Variants in FAM50A observed in about 807,000 individuals in gnomAD.
The protein encoded by FAM50A is protein FAM50A.
A neutral mutation model predicts 35.5 loss-of-function variants in FAM50A; 6 were observed. The ratio of observed to expected loss-of-function variants is 0.17; its 90% CI spans 0.09 to 0.33. The LOEUF is 0.33. FAM50A is among the 10% of genes least tolerant of loss of function. The pLI, the probability that FAM50A is intolerant of heterozygous loss-of-function variation, is 1.00. For missense variants in FAM50A, 145 were observed against 295.5 expected (o/e 0.49, Z 3.73); for synonymous variants, 120 against 110.9 (o/e 1.08, Z -0.52).
intron 7 of FAM50A, 128 bp downstream of exon 7, chrX:154,449,082 GC>G (rs2068793774): frequency 2.2e-6 from 2 of 893,165 alleles, no homozygotes; most frequent in East Asian, 6.2e-5. Flanking sequence ...CCAGGGCCTG[GC>G]CCCCTGTCTG....
In FAM50A at chrX:154,449,751, C is replaced by T; in HGVS notation, c.780+16C>T. ...CATCCCTCACGTGAGTCCCTTCAGCCCCAGTACCCGCAGTGGGTGCAGCAC... is the reference window on the plus strand; with the variant it reads ...CATCCCTCACGTGAGTCCCTTCAGCTCCAGTACCCGCAGTGGGTGCAGCAC... On this transcript the variant is annotated intron_variant, in intron 9 of 12. Transcript: ENST00000393600. The T allele has an allele frequency of 2.5e-6, 3 of 1,203,039 alleles. No homozygotes were observed. The highest frequency in any genetic ancestry group is 3.4e-6 in the Non-Finnish European group (3 of 887,494).
intron 5 of FAM50A, 59 bp from the exon 6 acceptor site, chrX:154,448,631 G>C (rs1276202642): frequency 5.1e-6 from 6 of 1,180,337 alleles, no homozygotes; most frequent in Admixed American, 2.2e-5. Context: ...AGGGAGCCAG[G>C]CTCTGCGTGC....
intron 3 of FAM50A, 85 bp downstream of exon 3, chrX:154,445,996 G>T (rs1465957839): frequency 1.1e-5 from 8 of 703,549 alleles, no homozygotes; most frequent in Middle Eastern, 4.6e-4. Context: ...CACCCTGGGG[G>T]GGACCCTGTC....
chrX:154,449,969 G>A lies in FAM50A; in HGVS notation c.829+38G>A, dbSNP rs374470940. On this transcript the variant is annotated intron_variant, in intron 10 of 12. Coordinates refer to ENST00000393600, the MANE Select transcript of FAM50A (RefSeq NM_004699.4). Reference sequence around the variant, plus strand: ...GACCCAGCCGCCCCCATAGCACCTTGCCGCCGATGTTGTCACTGGGGCAGC... The same window carrying A: ...GACCCAGCCGCCCCCATAGCACCTTACCGCCGATGTTGTCACTGGGGCAGC... 33 of 1,207,390 alleles carry A rather than the reference G, an allele frequency of 2.7e-5. No homozygotes were observed. The East Asian group carries it at 4.1e-4, about 15-fold the overall frequency.
intron 1 of FAM50A, 193 bp from the exon 2 acceptor site, chrX:154,445,440 A>G: frequency 2.2e-6 from 1 of 453,150 alleles, no homozygotes. Flanking sequence ...AGACCTGAAG[A>G]GCCAGAGCAG....
chrX:154,447,602 C>T (rs1425162047), intron 4 of FAM50A, among the ~76,000 whole-genome samples: 1 of 112,000 alleles, frequency 8.9e-6, no homozygotes, highest in Non-Finnish European at 1.9e-5. Context: ...CTGTGTGCAG[C>T]GGGAGCTACT....
At chrX:154,449,026 ACCTT>A in intron 7 of FAM50A, 72 bp downstream of exon 7, 1 of 1,039,274 alleles carries the variant, frequency 9.6e-7, no homozygotes. Flanking sequence ...GAAGGAACTG[ACCTT>A]CCTGACTTGG....
chrX:154,445,967 G>C, intron 3 of FAM50A, 56 bp downstream of exon 3: 8 of 975,852 alleles, frequency 8.2e-6, no homozygotes, highest in Non-Finnish European at 1.0e-5. Context: ...GGGTCCCGTG[G>C]CTGGTCGGGC....
At position 154,446,400 on chromosome X, in the gene FAM50A, C is replaced by T. The variant is rs2068782739; in HGVS notation, c.297-15C>T. The T allele has an allele frequency of 1.7e-6, 2 of 1,207,859 alleles. No homozygotes were observed. The highest frequency in any genetic ancestry group is 2.2e-6 in the Non-Finnish European group (2 of 892,015). ...AAGGACATGATGTGTGATGGGGCCA[C>T]CTGCACCTCACTAGGAAGCTGGAGA... is the stretch of plus-strand genomic sequence containing the variant. On this transcript the variant is annotated splice_polypyrimidine_tract_variant and intron_variant, in intron 3 of 12. Coordinates refer to ENST00000393600, the MANE Select transcript of FAM50A (RefSeq NM_004699.4).
rs781970457 is a variant in FAM50A at position 154,449,545 on chromosome X, A to G, written c.726-136A>G. 3,344 of 566,101 alleles carry G rather than the reference A, an allele frequency of 5.9e-3. 7 individuals carry two copies. Among genetic ancestry groups the G allele is most frequent in the Middle Eastern group, 0.032 (66 of 2,062 alleles). 46.7% of individuals were successfully genotyped at this position (566,101 alleles called of 1,213,427 possible). On this transcript the variant is annotated intron_variant, in intron 8 of 12. Coordinates refer to ENST00000393600, the MANE Select transcript of FAM50A (RefSeq NM_004699.4). ...TGGGCGCCAGTCCTGTGCTCACTAAACCATGGAGCTTCCCTCACAGCCAAC... is the reference window on the plus strand; with the variant it reads ...TGGGCGCCAGTCCTGTGCTCACTAAGCCATGGAGCTTCCCTCACAGCCAAC...
rs781785747 is a variant in FAM50A at position 154,444,203 on chromosome X, CCCG to C, written c.-7_-5del. On this transcript the variant is annotated 5_prime_UTR_variant, in exon 1 of 13. Transcript: ENST00000393600. ...GCTGTCGCTGTCGCCGCCGCCGCCG[CCCG>C]CCGCCGCCGCCGCCGCCGCCGCCGC... The C allele has an allele frequency of 0.021, 12,158 of 582,695 alleles. No homozygotes were observed. Among genetic ancestry groups the C allele is most frequent in the East Asian group, 0.029 (275 of 9,485 alleles). The allele number at this position is 582,695 out of a possible 1,213,427, so 48.0% of individuals were successfully genotyped here.
Position 154,446,484 on chromosome X carries a change from C to T in FAM50A, c.366C>T (p.Phe122=), listed in dbSNP as rs2068783019. The stretch of plus-strand genomic sequence containing the variant: ...AGCGGAAGATCTCCAGCCTGTCCTT[C>T]ACCCTGGAGGAGGAAGAAGAGGGAG... ...EAKRKISSLS[F]TLEEEEEGGE... is the part of the protein sequence containing the mutation. Residue 122 remains phenylalanine (F), a synonymous_variant, in exon 4 of 13, where the codon TTC becomes TTT. Transcript: ENST00000393600. The T allele has an allele frequency of 1.7e-6, 2 of 1,206,568 alleles. No homozygotes were observed. Among genetic ancestry groups the T allele is most frequent in the Admixed American group, 2.2e-5 (1 of 45,680 alleles).
chrX:154,444,232 T>TGCC lies in FAM50A; in HGVS notation c.-3_-1dup, dbSNP rs782281456. On this transcript the variant is annotated 5_prime_UTR_variant, in exon 1 of 13. Transcript: ENST00000393600. ...CCGCCGCCGCCGCCGCCGCCGCCGC[T>TGCC]GCCATGGCTCAATACAAGGGCGCCG... 2 of 895,678 alleles carry TGCC rather than the reference T, an allele frequency of 2.2e-6. No homozygotes were observed. The highest frequency in any genetic ancestry group is 1.4e-6 in the Non-Finnish European group (1 of 719,126). The allele number at this position is 895,678 out of a possible 1,213,427, so 73.8% of individuals were successfully genotyped here. A position where few individuals can be genotyped will look rare whatever the true frequency, so the allele number is the denominator to read the frequency against.
chrX:154,448,594 C>T (rs1557200099), intron 5 of FAM50A, 34 bp downstream of exon 5: 1 of 1,190,320 alleles, frequency 8.4e-7, no homozygotes, highest in Non-Finnish European at 1.1e-6. Flanking sequence ...CCGGCCTCGA[C>T]TCCAGCCCTG....
In FAM50A at chrX:154,450,438, C is replaced by T; in HGVS notation, c.*6C>T. 2 of 1,210,580 alleles carry T rather than the reference C, an allele frequency of 1.7e-6. No homozygotes were observed. Among genetic ancestry groups the T allele is most frequent in the Non-Finnish European group, 2.2e-6 (2 of 894,757 alleles). ...CCTCACACTAGATCCGCTGAGCATCCAGGAGGCTGCGCGGCCCCGGCTCCT... is the reference window on the plus strand; with the variant it reads ...CCTCACACTAGATCCGCTGAGCATCTAGGAGGCTGCGCGGCCCCGGCTCCT... On this transcript the variant is annotated 3_prime_UTR_variant, in exon 13 of 13. Transcript: ENST00000393600.
intron 2 of FAM50A, 29 bp from the exon 3 acceptor site, chrX:154,445,783 C>G (rs367635365): frequency 3.3e-6 from 4 of 1,197,669 alleles, no homozygotes; most frequent in Non-Finnish European, 4.5e-6. Flanking sequence ...CTGCGACTAC[C>G]TTGCCCCTTG....
Position 154,444,228 on chromosome X carries a change from C to G in FAM50A, c.-8C>G. The G allele has an allele frequency of 1.1e-6, 1 of 886,304 alleles. No individual in the cohort carries two copies. Among genetic ancestry groups the G allele is most frequent in the Non-Finnish European group, 1.4e-6 (1 of 713,065 alleles). The allele number at this position is 886,304 out of a possible 1,213,427, so 73.0% of individuals were successfully genotyped here. ...CCCGCCGCCGCCGCCGCCGCCGCCG[C>G]CGCTGCCATGGCTCAATACAAGGGC... is the stretch of plus-strand genomic sequence containing the variant. On this transcript the variant is annotated 5_prime_UTR_variant, in exon 1 of 13. Transcript: ENST00000393600.
At chrX:154,449,813 G>T in intron 9 of FAM50A, 70 bp from the exon 10 acceptor site, 1 of 1,187,675 alleles carries the variant, frequency 8.4e-7, no homozygotes, top group Non-Finnish European at 1.1e-6. Flanking sequence ...GGCAGTGTGC[G>T]CAGGCGGGGG....
In FAM50A at chrX:154,444,206, G is replaced by GCCGCCGCCGC; in HGVS notation, c.-28_-19dup. 1.3e-5 allele frequency: 5 copies of GCCGCCGCCGC among 392,659 alleles called. No homozygotes were observed. The African/African-American group carries it at 1.4e-4, about 11-fold the overall frequency. The allele number at this position is 392,659 out of a possible 1,213,427, so 32.4% of individuals were successfully genotyped here. On this transcript the variant is annotated 5_prime_UTR_variant, in exon 1 of 13. Transcript: ENST00000393600. ...GTCGCTGTCGCCGCCGCCGCCGCCC[G>GCCGCCGCCGC]CCGCCGCCGCCGCCGCCGCCGCCGC...
Sources: allele counts gnomAD v4.1 joint callset (sites outside exome capture counted in the v4.1 genomes callset), GRCh38; gene constraint gnomAD v4.1.1; transcripts MANE v1.5; gene names NCBI Gene and HGNC (gene_info 2026-07-23, HGNC 2026-07-21).